LCORL: variants seen among roughly 807,000 people sequenced by gnomAD.
LCORL encodes the protein ligand-dependent nuclear receptor corepressor-like protein.
Under a neutral mutation model 141.8 loss-of-function variants are expected in LCORL, and 41 were observed. The observed-to-expected ratio is 0.29, with a 90% CI of 0.23 to 0.38. The LOEUF (loss-of-function observed/expected upper bound fraction) is 0.38, where lower values mean the gene tolerates loss of function less well. Among genes scored for constraint, LCORL ranks in the 10% least tolerant of loss-of-function variants. The pLI is 1.00. For synonymous variants in LCORL, 618 were observed against 694.1 expected (o/e 0.89, Z 1.72); for missense variants, 1,759 against 2,035.0 (o/e 0.86, Z 2.61).
At chr4:18,004,062 A>C (rs1722402106) in intron 1 of LCORL, among the ~76,000 whole-genome samples, 1 of 152,218 alleles carries the variant, frequency 6.6e-6, no homozygotes, top group African/African-American at 2.4e-5. Context: ...AGAACTTGTA[A>C]GTAGAAGGGA....
intron 2 of LCORL, among the ~76,000 whole-genome samples, chr4:17,965,129 C>G (rs1384657822): frequency 1.3e-5 from 2 of 152,028 alleles, no homozygotes; most frequent in African/African-American, 4.8e-5. Context: ...AATGTTTACA[C>G]AGTCAAATAA....
intron 7 of LCORL, among the ~76,000 whole-genome samples, chr4:17,850,587 C>G (rs2109098530): frequency 6.6e-6 from 1 of 152,302 alleles, no homozygotes; most frequent in African/African-American, 2.4e-5. Flanking sequence ...GATACCATCT[C>G]ACACCAGTTA....
intron 4 of LCORL, among the ~76,000 whole-genome samples, chr4:17,952,993 CT>C (rs545111786): frequency 7.7e-4 from 114 of 148,004 alleles, no homozygotes; most frequent in Admixed American, 2.6e-3. Flanking sequence ...ACATGTGATA[CT>C]TTTTTTTTTT....
In LCORL at chr4:18,003,151, G is replaced by C. The variant is rs115506207; in HGVS notation, c.154+18447C>G. ...ATATCCATATCTCCGTGCTTTTGTCGTTGGTGCAGAAGTCATTAAAGGTTG... is the reference window on the plus strand; with the variant it reads ...ATATCCATATCTCCGTGCTTTTGTCCTTGGTGCAGAAGTCATTAAAGGTTG... On this transcript the variant is annotated intron_variant, in intron 1 of 7. Transcript: ENST00000635767. Among the ~76,000 whole-genome samples, 1,184 of 152,158 alleles carry C rather than the reference G, an allele frequency of 7.8e-3. 15 individuals carry two copies. The highest frequency in any genetic ancestry group is 0.027 in the African/African-American group (1,136 of 41,502).
chr4:18,003,454 T>C (rs968595594), intron 1 of LCORL, among the ~76,000 whole-genome samples: 1 of 152,166 alleles, frequency 6.6e-6, no homozygotes, highest in South Asian at 2.1e-4. Flanking sequence ...TACGTTGAGA[T>C]AAAGAACACC....
intron 1 of LCORL, among the ~76,000 whole-genome samples, chr4:17,998,060 C>T (rs1371503661): frequency 6.6e-5 from 10 of 152,078 alleles, no homozygotes; most frequent in Admixed American, 2.0e-4. Context: ...CTGTACAGAA[C>T]GTTACTGTAC....
At chr4:17,990,996 A>G (rs1484450251) in intron 1 of LCORL, among the ~76,000 whole-genome samples, 2 of 152,224 alleles carry the variant, frequency 1.3e-5, no homozygotes, top group Admixed American at 1.3e-4. Flanking sequence ...AAAAAATAAA[A>G]ATAAAAAGCT....
intron 5 of LCORL, among the ~76,000 whole-genome samples, chr4:17,906,131 C>CTG (rs944585227): frequency 3.3e-5 from 5 of 152,144 alleles, no homozygotes; most frequent in African/African-American, 1.2e-4. Flanking sequence ...GGTACACATA[C>CTG]TGTGTTAGTG....
chr4:17,864,790 A>G (rs1725444492), intron 7 of LCORL, among the ~76,000 whole-genome samples: 1 of 152,242 alleles, frequency 6.6e-6, no homozygotes. Flanking sequence ...GTTAAAAATA[A>G]AAGTATTGTG....
chr4:17,999,334 G>C (rs1721536292), intron 1 of LCORL, among the ~76,000 whole-genome samples: 1 of 151,736 alleles, frequency 6.6e-6, no homozygotes. Flanking sequence ...GAGGTGTGTA[G>C]TCCCAGCTAC....
intron 7 of LCORL, among the ~76,000 whole-genome samples, chr4:17,848,521 T>A (rs942371877): frequency 2.0e-5 from 3 of 152,170 alleles, no homozygotes; most frequent in Non-Finnish European, 4.4e-5. Flanking sequence ...AAATAATTTT[T>A]AAATTTTTTT....
chr4:17,940,954 T>C (rs1243264240), intron 4 of LCORL, among the ~76,000 whole-genome samples: 2 of 152,198 alleles, frequency 1.3e-5, no homozygotes, highest in African/African-American at 4.8e-5. Context: ...TTATATCCAC[T>C]GTTTCACTTC....
intron 2 of LCORL, among the ~76,000 whole-genome samples, chr4:17,972,273 A>G (rs1002748394): frequency 4.0e-5 from 6 of 151,880 alleles, no homozygotes; most frequent in African/African-American, 1.4e-4. Flanking sequence ...GATATTAGAA[A>G]GACATGTCCT....
At chr4:17,958,224 A>C (rs1713063181) in intron 4 of LCORL, among the ~76,000 whole-genome samples, 1 of 151,832 alleles carries the variant, frequency 6.6e-6, no homozygotes, top group Admixed American at 6.6e-5. Flanking sequence ...TCCATCAAGA[A>C]GGTCCTTCAG....
At chr4:17,981,079 G>A (rs1717897752) in intron 1 of LCORL, among the ~76,000 whole-genome samples, 1 of 152,068 alleles carries the variant, frequency 6.6e-6, no homozygotes, top group Non-Finnish European at 1.5e-5. Flanking sequence ...GAGTTCATTT[G>A]TATAAGTACA....
chr4:17,977,498 T>G (rs937593677), intron 1 of LCORL, among the ~76,000 whole-genome samples: 1 of 152,194 alleles, frequency 6.6e-6, no homozygotes, highest in Non-Finnish European at 1.5e-5. Flanking sequence ...TGTCTTCATG[T>G]CTCCACGTGG....
chr4:17,990,582 A>C (rs887050385), intron 1 of LCORL, among the ~76,000 whole-genome samples: 2 of 150,952 alleles, frequency 1.3e-5, no homozygotes, highest in African/African-American at 4.9e-5. Context: ...ATATGCACTA[A>C]GGGTAAACTT....
At chr4:17,917,217 T>G (rs1733591134) in intron 4 of LCORL, among the ~76,000 whole-genome samples, 1 of 151,488 alleles carries the variant, frequency 6.6e-6, no homozygotes, top group Non-Finnish European at 1.5e-5. Context: ...TGTTTTTTTT[T>G]GAGAAGGAGC....
chr4:17,883,196 A>C, intron 6 of LCORL: 1 of 981,066 alleles, frequency 1.0e-6, no homozygotes, highest in Non-Finnish European at 1.2e-6. Flanking sequence ...GTCGTGTACT[A>C]ATACTGTATA....
Sources: allele counts gnomAD v4.1 joint callset (sites outside exome capture counted in the v4.1 genomes callset), GRCh38; gene constraint gnomAD v4.1.1; transcripts MANE v1.5; gene names NCBI Gene and HGNC (gene_info 2026-07-23, HGNC 2026-07-21).